Variants in MCOLN2 observed in about 807,000 individuals in gnomAD.
The protein encoded by MCOLN2 is mucolipin TRP cation channel 2.
Under a neutral mutation model 67.5 loss-of-function variants are expected in MCOLN2, and 57 were observed. That is an observed-to-expected ratio of 0.84 (90% CI 0.68 to 1.05). MCOLN2 has a LOEUF of 1.05. Among genes scored for constraint, MCOLN2 ranks in the 50% least tolerant of loss-of-function variants. The probability of loss-of-function intolerance (pLI) is 0.00; values close to 1 mark genes in which losing one functional copy is unlikely to be tolerated. For synonymous variants in MCOLN2, 246 were observed against 233.3 expected, an observed-to-expected ratio of 1.05 and a Z score of -0.50; for missense variants, 620 against 678.8, an observed-to-expected ratio of 0.91 and a Z score of 0.96.
At chr1:84,966,930 A>G (rs1387507711) in intron 1 of MCOLN2, among the ~76,000 whole-genome samples, 1 of 152,248 alleles carries the variant, frequency 6.6e-6, no homozygotes, top group Non-Finnish European at 1.5e-5. Context: ...CATAGAATAT[A>G]CATACAACAC....
At chr1:84,980,053 T>C (rs1183909434) in intron 1 of MCOLN2, among the ~76,000 whole-genome samples, 2 of 151,826 alleles carry the variant, frequency 1.3e-5, no homozygotes, top group African/African-American at 4.8e-5. Flanking sequence ...AAAAAGAAAA[T>C]TAAAAAGTAC....
intron 1 of MCOLN2, among the ~76,000 whole-genome samples, chr1:84,982,072 G>C (rs1193421846): frequency 1.7e-5 from 2 of 118,196 alleles, no homozygotes; most frequent in Non-Finnish European, 3.9e-5. Context: ...TGTTAGCCAT[G>C]GGTTTTTTTT....
At chr1:84,968,701 CCTT>C (rs1404468468) in intron 1 of MCOLN2, among the ~76,000 whole-genome samples, 3 of 152,200 alleles carry the variant, frequency 2.0e-5, no homozygotes, top group African/African-American at 7.2e-5. Context: ...ATCTCTCTGA[CCTT>C]CTCCTGATCT....
intron 1 of MCOLN2, among the ~76,000 whole-genome samples, chr1:84,975,300 C>T (rs1217469770): frequency 1.3e-5 from 2 of 152,190 alleles, no homozygotes; most frequent in Non-Finnish European, 2.9e-5. Flanking sequence ...CACAGGGGTG[C>T]TTGTGTCACT....
intron 7 of MCOLN2, among the ~76,000 whole-genome samples, chr1:84,942,180 A>G (rs17117919): frequency 0.11 from 17,114 of 152,246 alleles, 1,847 homozygotes; most frequent in African/African-American, 0.28. Flanking sequence ...TCTCATCTCT[A>G]TTAGCCCTCT....
intron 1 of MCOLN2, among the ~76,000 whole-genome samples, chr1:84,982,249 T>C (rs1571035624): frequency 6.6e-6 from 1 of 152,220 alleles, no homozygotes; most frequent in South Asian, 2.1e-4. Context: ...AATGACACTA[T>C]GAAGTCATAA....
At chr1:84,961,600 C>T (rs1649091350) in intron 2 of MCOLN2, among the ~76,000 whole-genome samples, 1 of 152,106 alleles carries the variant, frequency 6.6e-6, no homozygotes, top group Admixed American at 6.6e-5. Context: ...AAGTCCCTTT[C>T]TTGTTATGAC....
intron 1 of MCOLN2, among the ~76,000 whole-genome samples, chr1:84,981,512 T>C (rs1332599524): frequency 6.6e-6 from 1 of 152,180 alleles, no homozygotes; most frequent in Non-Finnish European, 1.5e-5. Flanking sequence ...ACAACATGGA[T>C]GGAACTGGCG....
At chr1:84,943,582 CCA>C (rs144706361) in intron 7 of MCOLN2, among the ~76,000 whole-genome samples, 3,814 of 152,072 alleles carry the variant, frequency 0.025, 165 homozygotes, top group African/African-American at 0.088. Flanking sequence ...AAGAGAAATG[CCA>C]GAGTGTCTAT....
At chr1:84,940,496 C>A (rs1647701377) in intron 8 of MCOLN2, among the ~76,000 whole-genome samples, 1 of 152,180 alleles carries the variant, frequency 6.6e-6, no homozygotes, top group South Asian at 2.1e-4. Context: ...CCATGCCTCC[C>A]TGTCAAAATG....
intron 1 of MCOLN2, among the ~76,000 whole-genome samples, chr1:84,994,326 G>T (rs1044124031): frequency 4.0e-5 from 6 of 148,950 alleles, no homozygotes; most frequent in Non-Finnish European, 6.0e-5. Context: ...CCTGTCCTTT[G>T]CACCTTTGAA....
At chr1:84,933,633 C>T (rs1455917773) in intron 11 of MCOLN2, among the ~76,000 whole-genome samples, 2 of 152,208 alleles carry the variant, frequency 1.3e-5, no homozygotes, top group Admixed American at 6.5e-5. Flanking sequence ...ACTCTGACAG[C>T]ACCATTAATA....
rs563349535 is a variant in MCOLN2, at chr1:84,993,506, G to A, written c.77+3290C>T. The stretch of plus-strand genomic sequence containing the variant: ...CCCATGAATCATGAATATTCTTAAT[G>A]GCATCCATGATGATGAATCCTTTCC... On this transcript the variant is annotated intron_variant, in intron 1 of 13. Coordinates refer to ENST00000370608, the MANE Select transcript of MCOLN2 (RefSeq NM_153259.4). Among the ~76,000 whole-genome samples, 7 of 152,162 alleles carry A rather than the reference G, an allele frequency of 4.6e-5. No homozygotes were observed. In the South Asian group the frequency reaches 1.5e-3, roughly 32 times the overall value.
intron 1 of MCOLN2, among the ~76,000 whole-genome samples, chr1:84,970,253 C>A (rs1249380477): frequency 6.6e-6 from 1 of 151,322 alleles, no homozygotes; most frequent in Non-Finnish European, 1.5e-5. Flanking sequence ...AGAAACTACC[C>A]CCCAACTCCC....
chr1:84,958,724 A>G (rs1648924129), intron 2 of MCOLN2, 22 bp from the exon 3 acceptor site: 2 of 1,537,832 alleles, frequency 1.3e-6, no homozygotes, highest in East Asian at 4.6e-5. Flanking sequence ...AATAAAATAG[A>G]AACACATGAA....
At chr1:84,948,561 C>T (rs1553154938) in intron 6 of MCOLN2, among the ~76,000 whole-genome samples, 1 of 152,082 alleles carries the variant, frequency 6.6e-6, no homozygotes, top group Non-Finnish European at 1.5e-5. Flanking sequence ...CCCAAAAGAA[C>T]ATAATAATTC....
In MCOLN2 at chr1:84,925,623, T is replaced by C. The variant is rs1052973260; in HGVS notation, c.*1062A>G. 1 of 152,206 alleles carries C rather than the reference T, an allele frequency of 6.6e-6. No individual in the cohort carries two copies. Among genetic ancestry groups the C allele is most frequent in the East Asian group, 1.9e-4 (1 of 5,198 alleles). The allele number at this position is 152,206 out of a possible 1,614,324, so 9.4% of individuals were successfully genotyped here. The stretch of plus-strand genomic sequence containing the variant: ...AAATTTATTTAGAGAAAATATATCA[T>C]ATTTCTTTTCTAGACAAAGGTAAAT... On this transcript the variant is annotated 3_prime_UTR_variant, in exon 14 of 14. Transcript: ENST00000370608.
In MCOLN2 at chr1:84,939,689, A is replaced by C. The variant is rs1458548125; in HGVS notation, c.974T>G (p.Phe325Cys). ...ALRLRKRFLN[F>C]FLEKYKRPVC... ...AGGCCGCTTGTACTTCTCCAGGAAG[A>C]AATTTAGAAATCTCTATGGCAAACA... Residue 325 changes from phenylalanine (F) to cysteine (C), a missense_variant, in exon 9 of 14, where the codon TTC becomes TGC. Phe to Cys is a radical substitution (Grantham distance 205, BLOSUM62 -2). Coordinates refer to ENST00000370608, the MANE Select transcript of MCOLN2 (RefSeq NM_153259.4). 1 of 1,613,976 alleles carries C rather than the reference A, an allele frequency of 6.2e-7. No individual in the cohort carries two copies. The highest frequency in any genetic ancestry group is 8.5e-7 in the Non-Finnish European group (1 of 1,179,954).
rs755607447 is a variant in MCOLN2, at chr1:84,938,103, AAGAG to A, written c.1111-25_1111-22del. On this transcript the variant is annotated intron_variant, in intron 9 of 13. Coordinates refer to ENST00000370608, the MANE Select transcript of MCOLN2 (RefSeq NM_153259.4). The stretch of plus-strand genomic sequence containing the variant: ...AGATTCTAAGGAATGAAAAAAAAGA[AAGAG>A]AGAAATGAGTAAAATATTTGACTCC... 48 of 1,563,698 alleles carry A rather than the reference AAGAG, an allele frequency of 3.1e-5. 1 individual carries two copies. The Admixed American group carries it at 4.1e-4, about 13-fold the overall frequency.
Sources: gnomAD v4.1 joint callset for allele counts (sites outside exome capture counted in the v4.1 genomes callset) on GRCh38, gnomAD v4.1.1 for gene constraint, MANE v1.5 for transcripts, NCBI Gene and HGNC (gene_info 2026-07-23, HGNC 2026-07-21) for gene names.